ENPP2: variants seen among roughly 807,000 people sequenced by gnomAD.
The protein encoded by ENPP2 is autotaxin.
Under a neutral mutation model 120.2 loss-of-function variants are expected in ENPP2, and 51 were observed. The observed-to-expected ratio is 0.42, with a 90% CI of 0.34 to 0.54. The LOEUF (loss-of-function observed/expected upper bound fraction) is 0.54. ENPP2 is among the 20% of genes least tolerant of loss of function. ENPP2 has a pLI of 0.04. For synonymous variants in ENPP2, 365 were observed against 366.4 expected (o/e 1.00, Z 0.04); for missense variants, 920 against 1,066.5 (o/e 0.86, Z 1.91).
chr8:119,641,658 G>C (rs2130852802), upstream of ENPP2, among the ~76,000 whole-genome samples: 1 of 152,274 alleles, frequency 6.6e-6, no homozygotes, highest in Non-Finnish European at 1.5e-5. Flanking sequence ...ATTTTATTGG[G>C]TATCAGAATC....
chr8:119,569,742 C>CTGTGTGTGTG (rs55992622), intron 20 of ENPP2, among the ~76,000 whole-genome samples: 2,169 of 146,376 alleles, frequency 0.015, 35 homozygotes, highest in African/African-American at 0.027. Flanking sequence ...GACTATTTAT[C>CTGTGTGTGTG]TGTGTGTGTG....
At chr8:119,600,599 T>C (rs375088654) in intron 11 of ENPP2, 79 bp downstream of exon 11, 6 of 907,744 alleles carry the variant, frequency 6.6e-6, no homozygotes, top group Non-Finnish European at 1.1e-5. Flanking sequence ...CCAGACTTTA[T>C]ACAATTCCTG....
chr8:119,595,716 A>C, intron 11 of ENPP2: 1 of 795,566 alleles, frequency 1.3e-6, no homozygotes, highest in Non-Finnish European at 2.1e-6. Flanking sequence ...ATTCTTCTGG[A>C]CTCAAAGCCA....
At chr8:119,619,580 G>A (rs1284130317) in intron 4 of ENPP2, among the ~76,000 whole-genome samples, 4 of 151,912 alleles carry the variant, frequency 2.6e-5, no homozygotes, top group East Asian at 1.9e-4. Flanking sequence ...AACCAGTGGC[G>A]TCAGTGAACA....
intron 19 of ENPP2, chr8:119,571,279 T>C (rs1330388984): frequency 6.5e-6 from 1 of 152,686 alleles, no homozygotes; most frequent in Non-Finnish European, 1.5e-5. Context: ...ATTATATGCA[T>C]ACAGCAACTC....
intron 1 of ENPP2, among the ~76,000 whole-genome samples, chr8:119,655,520 T>G (rs890036380): frequency 1.3e-5 from 2 of 152,248 alleles, no homozygotes; most frequent in Non-Finnish European, 2.9e-5. Flanking sequence ...GAACCCTCTC[T>G]GGACCTTCAT....
chr8:119,638,338 A>C (rs1330577796), intron 2 of ENPP2, 87 bp downstream of exon 2: 4 of 724,712 alleles, frequency 5.5e-6, no homozygotes, highest in Non-Finnish European at 9.5e-6. Context: ...GATTGTATTA[A>C]AAATAAATAT....
At chr8:119,583,051 G>C (rs1405260806) in intron 17 of ENPP2, among the ~76,000 whole-genome samples, 1 of 152,172 alleles carries the variant, frequency 6.6e-6, no homozygotes, top group African/African-American at 2.4e-5. Flanking sequence ...GAAGTGTGGG[G>C]ACATGAGGAG....
chr8:119,622,211 G>A (rs1350705208), intron 3 of ENPP2, among the ~76,000 whole-genome samples: 1 of 152,212 alleles, frequency 6.6e-6, no homozygotes, highest in Non-Finnish European at 1.5e-5. Flanking sequence ...TTACAGGCAT[G>A]AGCCACAGCA....
intron 5 of ENPP2, chr8:119,618,258 T>C: frequency 2.0e-6 from 1 of 495,272 alleles, no homozygotes; most frequent in Non-Finnish European, 4.0e-6. Flanking sequence ...ATGTGCTTCT[T>C]GGGATTCTCC....
intron 1 of ENPP2, among the ~76,000 whole-genome samples, chr8:119,671,798 A>G (rs1192942476): frequency 6.6e-6 from 1 of 152,170 alleles, no homozygotes; most frequent in Non-Finnish European, 1.5e-5. Context: ...TTATCCAGAG[A>G]GACTGCAGGA....
chr8:119,566,853 T>C (rs1031178720), intron 22 of ENPP2, among the ~76,000 whole-genome samples: 1 of 152,260 alleles, frequency 6.6e-6, no homozygotes, highest in Admixed American at 6.5e-5. Flanking sequence ...TGCTTCTCAG[T>C]TGGGTCTGAG....
At chr8:119,565,242 G>A (rs1814322446) in intron 22 of ENPP2, among the ~76,000 whole-genome samples, 1 of 152,166 alleles carries the variant, frequency 6.6e-6, no homozygotes, top group South Asian at 2.1e-4. Flanking sequence ...GCATGGATAA[G>A]TAGGTGGTGT....
intron 2 of ENPP2, among the ~76,000 whole-genome samples, chr8:119,637,271 A>G (rs905172437): frequency 4.6e-5 from 7 of 152,082 alleles, no homozygotes; most frequent in East Asian, 1.9e-4. Flanking sequence ...TGCCTCCCCA[A>G]CAGAAGACGA....
In ENPP2 at chr8:119,591,820, A is replaced by G. The variant is rs148346413; in HGVS notation, c.1082-1190T>C. On this transcript the variant is annotated intron_variant, in intron 12 of 24. Coordinates refer to ENST00000075322, the MANE Select transcript of ENPP2 (RefSeq NM_001040092.3). ...AAACCCTTAGGAAGAAAAATAGAGC[A>G]ATGAAGAGCTACTATGTTTTAGTAC... 4.6e-3 allele frequency among the ~76,000 whole-genome samples: 706 copies of G among 152,320 alleles called. 3 individuals carry two copies. The highest frequency in any genetic ancestry group is 0.016 in the African/African-American group (672 of 41,548).
chr8:119,585,843 T>C (rs1229757279), intron 15 of ENPP2, among the ~76,000 whole-genome samples: 1 of 151,944 alleles, frequency 6.6e-6, no homozygotes, highest in African/African-American at 2.4e-5. Flanking sequence ...CAGCCCAATA[T>C]ACTAAGGCAA....
intron 1 of ENPP2, among the ~76,000 whole-genome samples, chr8:119,670,470 T>C (rs1417213277): frequency 6.6e-6 from 1 of 152,234 alleles, no homozygotes; most frequent in African/African-American, 2.4e-5. Flanking sequence ...GCATCCCACC[T>C]GGGTCTAAGC....
intron 11 of ENPP2, among the ~76,000 whole-genome samples, chr8:119,598,065 A>C (rs1814028457): frequency 6.6e-6 from 1 of 152,264 alleles, no homozygotes; most frequent in South Asian, 2.1e-4. Flanking sequence ...AAATGATGAT[A>C]TATAGGTAGG....
At chr8:119,580,003 A>G in intron 19 of ENPP2, 113 bp downstream of exon 19, 1 of 788,236 alleles carries the variant, frequency 1.3e-6, no homozygotes, top group East Asian at 2.4e-5. Context: ...ACTTTGAAAT[A>G]CAAATTCTAA....
Sources: allele counts gnomAD v4.1 joint callset (sites outside exome capture counted in the v4.1 genomes callset), GRCh38; gene constraint gnomAD v4.1.1; transcripts MANE v1.5; gene names NCBI Gene and HGNC (gene_info 2026-07-23, HGNC 2026-07-21).